Variants in PCSK2 observed in about 807,000 individuals in gnomAD.
PCSK2 encodes the protein neuroendocrine convertase 2.
PCSK2 carries 14 observed loss-of-function variants against 69.7 expected under a neutral mutation model. The observed-to-expected ratio is 0.20, with a 90% confidence interval of 0.13 to 0.31. The LOEUF (loss-of-function observed/expected upper bound fraction) is 0.31. Ranked by LOEUF, PCSK2 falls within the 10% of genes least tolerant of loss-of-function variation. The probability of loss-of-function intolerance (pLI) is 1.00; values close to 1 mark genes in which losing one functional copy is unlikely to be tolerated. For synonymous variants in PCSK2, 307 were observed against 320.7 expected (o/e 0.96, Z 0.46); for missense variants, 544 against 842.5 (o/e 0.65, Z 4.39).
At chr20:17,481,478 C>A in intron 11 of PCSK2, 106 bp from the exon 12 acceptor site, 2 of 881,260 alleles carry the variant, frequency 2.3e-6, no homozygotes, top group Non-Finnish European at 1.7e-6. Flanking sequence ...TCTGATTGAT[C>A]AACCCCAAAG....
At chr20:17,421,058 T>TCTC (rs1171636026) in intron 6 of PCSK2, among the ~76,000 whole-genome samples, 2 of 152,244 alleles carry the variant, frequency 1.3e-5, no homozygotes, top group African/African-American at 4.8e-5. Flanking sequence ...AGACATCTGC[T>TCTC]CTCTCATTTA....
chr20:17,361,805 C>G (rs1447895637), intron 4 of PCSK2, among the ~76,000 whole-genome samples: 2 of 152,198 alleles, frequency 1.3e-5, no homozygotes, highest in African/African-American at 4.8e-5. Context: ...GCCAAGGGCT[C>G]TCACAAGAAG....
intron 8 of PCSK2, among the ~76,000 whole-genome samples, chr20:17,449,619 C>A (rs1458157791): frequency 6.9e-6 from 1 of 143,998 alleles, no homozygotes; most frequent in Non-Finnish European, 1.5e-5. Context: ...CAACCTCCGC[C>A]TCCTGGGTTC....
intron 6 of PCSK2, among the ~76,000 whole-genome samples, chr20:17,412,306 C>T (rs968793349): frequency 3.3e-5 from 5 of 152,092 alleles, no homozygotes; most frequent in Non-Finnish European, 5.9e-5. Flanking sequence ...GAATGGCTAA[C>T]CAGAATAAAC....
At chr20:17,409,507 A>G (rs1273421161) in intron 6 of PCSK2, among the ~76,000 whole-genome samples, 168 bp downstream of exon 6, 3 of 152,218 alleles carry the variant, frequency 2.0e-5, no homozygotes, top group Non-Finnish European at 4.4e-5. Flanking sequence ...AATTTTTAAT[A>G]TTACAATCTT....
intron 2 of PCSK2, among the ~76,000 whole-genome samples, chr20:17,277,197 T>G (rs1387545048): frequency 2.0e-5 from 3 of 152,186 alleles, no homozygotes; most frequent in African/African-American, 7.2e-5. Context: ...ATGACTTTCT[T>G]CACAGAACTG....
At position 17,479,906 on chromosome 20, in the gene PCSK2, C is replaced by A. The variant is rs144284808; in HGVS notation, c.1431-1678C>A. 5.9e-3 allele frequency among the ~76,000 whole-genome samples: 891 copies of A among 151,188 alleles called. 19 individuals carry two copies. In the East Asian group the frequency reaches 0.065, roughly 11 times the overall value. On this transcript the variant is annotated intron_variant, in intron 11 of 11. Coordinates refer to ENST00000262545, the MANE Select transcript of PCSK2 (RefSeq NM_002594.5). ...GAGCAGTAAACATAGAAGCAGAATT[C>A]TAATCCAAATGGGTTTATTCTCAAA...
chr20:17,305,330 T>G (rs573480360), intron 2 of PCSK2, among the ~76,000 whole-genome samples: 1 of 152,234 alleles, frequency 6.6e-6, no homozygotes, highest in Admixed American at 6.5e-5. Context: ...ATGAAAATGT[T>G]TTTTTTTGAG....
At position 17,436,698 on chromosome 20, in the gene PCSK2, G is replaced by GT. The variant is rs765808074; in HGVS notation, c.710-9dup. ...CCAAACATGGTGTCCTCTGCTCAAC[G>GT]TGTCCACAGGCATCCGGATGCTGGA... On this transcript the variant is annotated splice_polypyrimidine_tract_variant and intron_variant, in intron 7 of 11. Transcript: ENST00000262545. 18 of 1,607,680 alleles carry GT rather than the reference G, an allele frequency of 1.1e-5. No homozygotes were observed. The East Asian group carries it at 3.8e-4, about 34-fold the overall frequency.
intron 7 of PCSK2, among the ~76,000 whole-genome samples, chr20:17,435,310 T>C (rs1208735315): frequency 2.0e-5 from 3 of 152,138 alleles, no homozygotes; most frequent in Non-Finnish European, 2.9e-5. Context: ...GTGAACAAAA[T>C]AGACACATGC....
intron 6 of PCSK2, among the ~76,000 whole-genome samples, chr20:17,412,508 C>A (rs2031898486): frequency 6.6e-6 from 1 of 151,958 alleles, no homozygotes; most frequent in Non-Finnish European, 1.5e-5. Context: ...ATGAAAAAAC[C>A]CTCCAAGAAA....
At chr20:17,312,064 C>G (rs1178374539) in intron 2 of PCSK2, among the ~76,000 whole-genome samples, 1 of 152,158 alleles carries the variant, frequency 6.6e-6, no homozygotes. Context: ...TGAGAATTAT[C>G]TATTTTGACT....
At chr20:17,307,656 C>T (rs76791627) in intron 2 of PCSK2, among the ~76,000 whole-genome samples, 398 of 152,252 alleles carry the variant, frequency 2.6e-3, no homozygotes, top group African/African-American at 8.6e-3. Context: ...CATATACCTA[C>T]CAGCAGTGTT....
chr20:17,479,796 CAAAAAAAAAAAAAA>C (rs5840770), intron 11 of PCSK2, among the ~76,000 whole-genome samples: 173 of 89,796 alleles, frequency 1.9e-3, no homozygotes, highest in Admixed American at 5.8e-3. Flanking sequence ...GACTCCGTCT[CAAAAAAAAAAAAAA>C]AAAAAAAAAA....
rs2123433157 is a variant in PCSK2, at chr20:17,484,485, C to A, written c.*2415C>A. Reference sequence around the variant, plus strand: ...AATAAGTGAATAATAATTAGGTTAACATTGTTGCTCCCTGTGACAAAATTT... The same window carrying A: ...AATAAGTGAATAATAATTAGGTTAAAATTGTTGCTCCCTGTGACAAAATTT... On this transcript the variant is annotated 3_prime_UTR_variant, in exon 12 of 12. Transcript: ENST00000262545. The A allele has an allele frequency of 6.6e-6, 1 of 152,524 alleles. No individual in the cohort carries two copies. The highest frequency in any genetic ancestry group is 1.5e-5 in the Non-Finnish European group (1 of 67,960). The allele number at this position is 152,524 out of a possible 1,614,324, so 9.4% of individuals were successfully genotyped here. A position where few individuals can be genotyped will look rare whatever the true frequency, so the allele number is the denominator to read the frequency against.
At chr20:17,301,976 A>T (rs1391528154) in intron 2 of PCSK2, among the ~76,000 whole-genome samples, 1 of 152,020 alleles carries the variant, frequency 6.6e-6, no homozygotes, top group Non-Finnish European at 1.5e-5. Context: ...TTCAATTTAC[A>T]TACTTGGTAC....
chr20:17,449,546 T>TATATATATATATGTATGTA (rs1442630991), intron 8 of PCSK2, among the ~76,000 whole-genome samples: 6 of 49,840 alleles, frequency 1.2e-4, no homozygotes, highest in African/African-American at 2.4e-4. Context: ...ATATGTATAT[T>TATATATATATATGTATGTA]TGAGACTGAG....
At chr20:17,338,334 T>C (rs1990417181) in intron 2 of PCSK2, among the ~76,000 whole-genome samples, 1 of 152,056 alleles carries the variant, frequency 6.6e-6, no homozygotes, top group Non-Finnish European at 1.5e-5. Flanking sequence ...GTAGCTGGGA[T>C]TACAGGTGGG....
intron 8 of PCSK2, among the ~76,000 whole-genome samples, chr20:17,441,071 T>C (rs942480109): frequency 2.0e-5 from 3 of 152,154 alleles, no homozygotes; most frequent in Non-Finnish European, 4.4e-5. Flanking sequence ...GTTTCGTGGC[T>C]CCGGCTCTCC....
Sources: allele counts gnomAD v4.1 joint callset (sites outside exome capture counted in the v4.1 genomes callset), GRCh38; gene constraint gnomAD v4.1.1; transcripts MANE v1.5; gene names NCBI Gene and HGNC (gene_info 2026-07-23, HGNC 2026-07-21).